The following MRPS30 variants were observed in gnomAD, a reference collection of about 807,000 sequenced individuals.
MRPS30 encodes the protein large ribosomal subunit protein mL65.
Under a neutral mutation model 43.8 loss-of-function variants are expected in MRPS30, and 42 were observed. The observed-to-expected ratio is 0.96, with a 90% CI of 0.75 to 1.24. The LOEUF (loss-of-function observed/expected upper bound fraction) is 1.24. MRPS30 is among the 50% of genes most tolerant of loss of function. MRPS30 has a pLI of 0.00. For missense variants in MRPS30, 638 were observed against 570.0 expected, an observed-to-expected ratio of 1.12 and a Z score of -1.22; for synonymous variants, 273 against 228.2, an observed-to-expected ratio of 1.20 and a Z score of -1.77.
rs929912605 is a variant in MRPS30, at chr5:44,813,437, G to T, written c.1030+155G>T. ...AAAGTACAGTTGTTTTAAAATCCTC[G>T]TTTAAATACTATACATTTGAAATCT... On this transcript the variant is annotated intron_variant, in intron 4 of 4. Coordinates refer to ENST00000507110, the MANE Select transcript of MRPS30 (RefSeq NM_016640.4). 4 of 586,262 alleles carry T rather than the reference G, an allele frequency of 6.8e-6. No individual in the cohort carries two copies. The South Asian group carries it at 8.5e-5, about 12-fold the overall frequency. The allele number at this position is 586,262 out of a possible 1,614,324, so 36.3% of individuals were successfully genotyped here.
At position 44,808,980 on chromosome 5, in the gene MRPS30, T is replaced by G; in HGVS notation, c.18T>G (p.Cys6Trp). 2.5e-6 allele frequency: 4 copies of G among 1,603,906 alleles called. No homozygotes were observed. Among genetic ancestry groups the G allele is most frequent in the Non-Finnish European group, 2.6e-6 (3 of 1,175,676 alleles). The change falls in exon 1 of 5, where the codon TGT becomes TGG. Residue 6 changes from cysteine to tryptophan, a missense_variant. Transcript: ENST00000507110. Reference sequence around the variant, plus strand: ...GGGCAAAGATGGCGGCGGCCAGGTGTTGGAGGCCTTTGCTACGCGGTCCGA... The same window carrying G: ...GGGCAAAGATGGCGGCGGCCAGGTGGTGGAGGCCTTTGCTACGCGGTCCGA... Reference protein sequence around the residue: MAAARCWRPLLRGPRL... With the variant: MAAARWWRPLLRGPRL...
intron 3 of MRPS30, among the ~76,000 whole-genome samples, chr5:44,812,485 G>C (rs1363391611): frequency 6.6e-6 from 1 of 151,930 alleles, no homozygotes; most frequent in Non-Finnish European, 1.5e-5. Context: ...CCTACCCAAT[G>C]TGAAGAAGTC....
In MRPS30 at chr5:44,815,425, T is replaced by C. The variant is rs556728792; in HGVS notation, c.*223T>C. 2.4e-6 allele frequency: 1 copy of C among 415,700 alleles called. No individual in the cohort carries two copies. Among genetic ancestry groups the C allele is most frequent in the South Asian group, 4.1e-5 (1 of 24,100 alleles). 25.8% of individuals were successfully genotyped at this position (415,700 alleles called of 1,614,324 possible). ...AAAAATAATTGCATTTGTATATTGCTAACTGATAAGACAAATTGAGTTATT... is the reference window on the plus strand; with the variant it reads ...AAAAATAATTGCATTTGTATATTGCCAACTGATAAGACAAATTGAGTTATT... On this transcript the variant is annotated 3_prime_UTR_variant, in exon 5 of 5. Coordinates refer to ENST00000507110, the MANE Select transcript of MRPS30 (RefSeq NM_016640.4).
intron 2 of MRPS30, among the ~76,000 whole-genome samples, chr5:44,811,445 G>A (rs1389364002): frequency 6.6e-6 from 1 of 152,106 alleles, no homozygotes; most frequent in Non-Finnish European, 1.5e-5. Flanking sequence ...AATAGTTTAC[G>A]ATTGTAATTT....
intron 4 of MRPS30, 177 bp downstream of exon 4, chr5:44,813,459 A>G (rs1579858407): frequency 2.0e-6 from 1 of 488,630 alleles, no homozygotes; most frequent in East Asian, 3.7e-5. Flanking sequence ...TACATTTGAA[A>G]TCTGACACTG....
rs535631928 is a variant in MRPS30, at chr5:44,814,589, G to A, written c.1031-324G>A. On this transcript the variant is annotated intron_variant, in intron 4 of 4. Transcript: ENST00000507110. Reference sequence around the variant, plus strand: ...AAGTTACTACTTGGCCTTGGTAATTGGGTAATGACATAGTACCAGATGTAG... The same window carrying A: ...AAGTTACTACTTGGCCTTGGTAATTAGGTAATGACATAGTACCAGATGTAG... Among the ~76,000 whole-genome samples, 4 of 152,280 alleles carry A rather than the reference G, an allele frequency of 2.6e-5. No individual in the cohort carries two copies. In the East Asian group the frequency reaches 7.7e-4, roughly 29 times the overall value.
intron 1 of MRPS30, among the ~76,000 whole-genome samples, chr5:44,810,747 A>G (rs1019675177): frequency 9.8e-5 from 15 of 152,304 alleles, no homozygotes; most frequent in Non-Finnish European, 1.9e-4. Context: ...GGTGAATGAT[A>G]TTCTTGTTAA....
At chr5:44,813,014 A>T (rs1266173134) in intron 3 of MRPS30, 92 bp from the exon 4 acceptor site, 1 of 1,216,770 alleles carries the variant, frequency 8.2e-7, no homozygotes, top group Non-Finnish European at 1.2e-6. Context: ...ATGATGTATA[A>T]AGAAGGAAAA....
intron 1 of MRPS30, 38 bp downstream of exon 1, chr5:44,809,601 A>C (rs775806205): frequency 5.2e-6 from 8 of 1,533,592 alleles, no homozygotes; most frequent in Non-Finnish European, 7.0e-6. Flanking sequence ...GAAGGGAGAG[A>C]TGGGGATTGT....
At chr5:44,809,764 T>C in intron 1 of MRPS30, 1 of 583,672 alleles carries the variant, frequency 1.7e-6, no homozygotes, top group Non-Finnish European at 3.0e-6. Flanking sequence ...GTGGCTGCGC[T>C]AACACCTACC....
chr5:44,809,545 C>T lies in MRPS30; in HGVS notation c.583C>T (p.Leu195=). Residue 195 remains leucine (L), a synonymous_variant, in exon 1 of 5, where the codon CTG becomes TTG. Transcript: ENST00000507110. ...VGLLSPHNPA[L]AAAALDYRCP... ...CCTCCTCAGCCCACACAACCCGGCC[C>T]TGGCCGCTGCCGCCCTCGGTGAGCC... 6.2e-7 allele frequency: 1 copy of T among 1,600,154 alleles called. No individual in the cohort carries two copies. The highest frequency in any genetic ancestry group is 1.1e-5 in the South Asian group (1 of 89,076).
intron 3 of MRPS30, among the ~76,000 whole-genome samples, 165 bp downstream of exon 3, chr5:44,812,185 A>C (rs979767415): frequency 1.3e-5 from 2 of 152,170 alleles, no homozygotes. Flanking sequence ...ATGCATAAAC[A>C]CTGGAAAGAA....
At chr5:44,811,404 CTA>C (rs1289897987) in intron 2 of MRPS30, among the ~76,000 whole-genome samples, 8 of 152,116 alleles carry the variant, frequency 5.3e-5, no homozygotes, top group African/African-American at 1.9e-4. Context: ...CCATACAGAT[CTA>C]TATGTTTCTC....
In MRPS30 at chr5:44,809,398, G is replaced by T. The variant is rs546182581; in HGVS notation, c.436G>T (p.Ala146Ser). The T allele has an allele frequency of 6.2e-7, 1 of 1,610,722 alleles. No individual in the cohort carries two copies. Among genetic ancestry groups the T allele is most frequent in the African/African-American group, 1.3e-5 (1 of 74,970 alleles). The change falls in exon 1 of 5, where the codon GCC becomes TCC. Residue 146 changes from alanine to serine, a missense_variant. Transcript: ENST00000507110. Reference sequence around the variant, plus strand: ...GGACCTCGCGGCGCTGCGTGCGGTCGCCTGCGACTGCCTGCTGCAGGAGCA... The same window carrying T: ...GGACCTCGCGGCGCTGCGTGCGGTCTCCTGCGACTGCCTGCTGCAGGAGCA... ...ALDLAALRAV[A>S]CDCLLQEHFY...
chr5:44,809,860 T>C lies in MRPS30; in HGVS notation c.601+297T>C, dbSNP rs947123695. On this transcript the variant is annotated intron_variant, in intron 1 of 4. Coordinates refer to ENST00000507110, the MANE Select transcript of MRPS30 (RefSeq NM_016640.4). ...AGTGTTCAGCCAAATGGAAGAGCAG[T>C]GGTGATGAAGAGAAACGCCACTTAA... The C allele has an allele frequency of 2.4e-5, 9 of 375,032 alleles. No individual in the cohort carries two copies. The Admixed American group carries it at 2.9e-4, about 12-fold the overall frequency. The allele number at this position is 375,032 out of a possible 1,614,324, so 23.2% of individuals were successfully genotyped here. A position where few individuals can be genotyped will look rare whatever the true frequency, so the allele number is the denominator to read the frequency against.
intron 3 of MRPS30, 59 bp from the exon 4 acceptor site, chr5:44,813,047 T>A: frequency 6.5e-7 from 1 of 1,538,106 alleles, no homozygotes; most frequent in Non-Finnish European, 8.8e-7. Flanking sequence ...TACTAAAACA[T>A]GTGCTCCACA....
chr5:44,809,035 G>A lies in MRPS30; in HGVS notation c.73G>A (p.Ala25Thr), dbSNP rs1360010999. 1.2e-6 allele frequency: 2 copies of A among 1,609,702 alleles called. No individual in the cohort carries two copies. The highest frequency in any genetic ancestry group is 1.7e-6 in the Non-Finnish European group (2 of 1,178,668). Residue 25 changes from alanine (A) to threonine (T), a missense_variant, in exon 1 of 5, where the codon GCC becomes ACC. Physicochemically the swap from Ala to Thr is moderately conservative, Grantham distance 58. Transcript: ENST00000507110. ...TTCATTGCACACCGCGGCTAATGCC[G>A]CCGCCACGGCTACAGAAACGACCTG... ...RLSLHTAANA[A>T]ATATETTCQD...
intron 4 of MRPS30, 91 bp from the exon 5 acceptor site, chr5:44,814,822 G>C: frequency 8.6e-7 from 1 of 1,158,714 alleles, no homozygotes; most frequent in Non-Finnish European, 1.2e-6. Context: ...AGTTGTAGGA[G>C]GTATTTGATA....
intron 3 of MRPS30, 110 bp downstream of exon 3, chr5:44,812,130 C>T: frequency 2.9e-6 from 2 of 690,428 alleles, no homozygotes; most frequent in Non-Finnish European, 4.9e-6. Context: ...GAGAGGTTTA[C>T]ATAGTCTATG....
Sources: gnomAD v4.1 joint callset for allele counts (sites outside exome capture counted in the v4.1 genomes callset) on GRCh38, gnomAD v4.1.1 for gene constraint, MANE v1.5 for transcripts, NCBI Gene and HGNC (gene_info 2026-07-23, HGNC 2026-07-21) for gene names.